The following FAM120C variants were observed in gnomAD, a reference collection of about 807,000 sequenced individuals.
The protein encoded by FAM120C is constitutive coactivator of PPAR-gamma-like protein 2.
Under a neutral mutation model 71.2 loss-of-function variants are expected in FAM120C, and 14 were observed. That is an observed-to-expected ratio of 0.20 (90% confidence interval 0.13 to 0.31). The LOEUF (loss-of-function observed/expected upper bound fraction) is 0.31, where lower values mean the gene tolerates loss of function less well. Ranked by LOEUF, FAM120C falls within the 10% of genes least tolerant of loss-of-function variation. The pLI is 1.00. For missense variants in FAM120C, 500 were observed against 879.0 expected (o/e 0.57, Z 5.45); for synonymous variants, 354 against 353.2 (o/e 1.00, Z -0.03).
At chrX:54,162,770 C>A (rs2067241268) in intron 1 of FAM120C, among the ~76,000 whole-genome samples, 1 of 111,713 alleles carries the variant, frequency 9.0e-6, no homozygotes, top group African/African-American at 3.3e-5. Flanking sequence ...CTGTTCCAAA[C>A]CCCCCTCACA....
intron 13 of FAM120C, 102 bp from the exon 14 acceptor site, chrX:54,081,562 A>C: frequency 2.2e-6 from 2 of 896,875 alleles, no homozygotes; most frequent in Non-Finnish European, 3.1e-6. Context: ...ACTTGAAGTC[A>C]GGAGTTCCAG....
At chrX:54,166,142 T>C (rs1426873171) in intron 1 of FAM120C, among the ~76,000 whole-genome samples, 2 of 111,551 alleles carry the variant, frequency 1.8e-5, no homozygotes, top group Admixed American at 1.9e-4. Flanking sequence ...AAACAGATTT[T>C]AAGCATATAA....
intron 4 of FAM120C, among the ~76,000 whole-genome samples, chrX:54,150,346 T>C (rs2067178285): frequency 8.9e-6 from 1 of 112,200 alleles, no homozygotes; most frequent in Non-Finnish European, 1.9e-5. Context: ...ATACTGAAAG[T>C]GAAAAACAGA....
chrX:54,169,088 C>G (rs1386096285), intron 1 of FAM120C, among the ~76,000 whole-genome samples: 1 of 110,999 alleles, frequency 9.0e-6, no homozygotes, highest in Non-Finnish European at 1.9e-5. Context: ...TCGCCTGAGC[C>G]GAGGATTCCA....
intron 13 of FAM120C, among the ~76,000 whole-genome samples, chrX:54,081,673 C>A (rs782322269): frequency 9.4e-6 from 1 of 106,029 alleles, no homozygotes; most frequent in East Asian, 3.0e-4. Context: ...ACTCGGGAGG[C>A]GGAGGCACGA....
chrX:54,131,785 G>A lies in FAM120C; in HGVS notation c.2062+907C>T, dbSNP rs184878526. Among the ~76,000 whole-genome samples the A allele has an allele frequency of 7.7e-3, 788 of 101,914 alleles. 10 individuals are homozygous for A. The highest frequency in any genetic ancestry group is 0.049 in the Middle Eastern group (9 of 182). 88.5% of individuals were successfully genotyped at this position (101,914 alleles called of 115,157 possible). On this transcript the variant is annotated intron_variant, in intron 9 of 15. Coordinates refer to ENST00000375180, the MANE Select transcript of FAM120C (RefSeq NM_017848.6). Reference sequence around the variant, plus strand: ...CTTTCTTTTTTTTTTTTTTTGAGACGGAGTCTGGCTCTGTCGCCCAGGCTG... The same window carrying A: ...CTTTCTTTTTTTTTTTTTTTGAGACAGAGTCTGGCTCTGTCGCCCAGGCTG...
rs984544164 is a variant in FAM120C, at chrX:54,076,482, C to T, written c.3037-3195G>A. On this transcript the variant is annotated intron_variant, in intron 15 of 15. Transcript: ENST00000375180. ...ATCTCATACTCTTCTTTTTCTGTCCCGACTGAAACAGAAAAAGAAGAGTCA... is the reference window on the plus strand; with the variant it reads ...ATCTCATACTCTTCTTTTTCTGTCCTGACTGAAACAGAAAAAGAAGAGTCA... Among the ~76,000 whole-genome samples the T allele has an allele frequency of 3.6e-5, 4 of 110,899 alleles. 1 individual carries two copies. Among genetic ancestry groups the T allele is most frequent in the Middle Eastern group, 9.3e-3 (2 of 216 alleles).
In FAM120C at chrX:54,103,156, T is replaced by C. The variant is rs144868063; in HGVS notation, c.2313-11730A>G. Reference sequence around the variant, plus strand: ...AATATTTTATATTCTTTTTTTCTAGTTAGAAATCAACAAGAAGGATTTTAT... The same window carrying C: ...AATATTTTATATTCTTTTTTTCTAGCTAGAAATCAACAAGAAGGATTTTAT... On this transcript the variant is annotated intron_variant, in intron 10 of 15. Coordinates refer to ENST00000375180, the MANE Select transcript of FAM120C (RefSeq NM_017848.6). Among the ~76,000 whole-genome samples the C allele has an allele frequency of 8.0e-3, 894 of 112,211 alleles. 7 individuals carry two copies. The highest frequency in any genetic ancestry group is 0.011 in the Non-Finnish European group (609 of 53,249).
intron 10 of FAM120C, among the ~76,000 whole-genome samples, chrX:54,100,043 G>A (rs1347971357): frequency 1.1e-4 from 12 of 112,091 alleles, no homozygotes; most frequent in African/African-American, 3.9e-4. Context: ...GTGAGCCTGT[G>A]AAATCTAAAC....
intron 4 of FAM120C, among the ~76,000 whole-genome samples, chrX:54,147,983 C>T (rs1467277196): frequency 9.0e-6 from 1 of 111,469 alleles, no homozygotes; most frequent in Non-Finnish European, 1.9e-5. Flanking sequence ...AGGTGTGAGC[C>T]ACCACGTCCG....
At chrX:54,143,484 A>G (rs1358918916) in intron 4 of FAM120C, among the ~76,000 whole-genome samples, 2 of 112,901 alleles carry the variant, frequency 1.8e-5, no homozygotes, top group East Asian at 5.6e-4. Flanking sequence ...TAAAGGGGAT[A>G]TCACCACTGA....
intron 10 of FAM120C, among the ~76,000 whole-genome samples, chrX:54,105,143 G>A (rs141974568): frequency 0.014 from 1,560 of 111,452 alleles, 31 homozygotes; most frequent in African/African-American, 0.048. Flanking sequence ...GATGAACATC[G>A]ATGCGAAAAT....
chrX:54,127,627 C>T (rs1311141289), intron 9 of FAM120C, among the ~76,000 whole-genome samples: 6 of 108,528 alleles, frequency 5.5e-5, no homozygotes, highest in Non-Finnish European at 9.6e-5. Context: ...ATTCTGTTAC[C>T]CAGGCTGGAG....
intron 1 of FAM120C, 116 bp from the exon 2 acceptor site, chrX:54,159,732 A>G: frequency 1.5e-6 from 1 of 679,872 alleles, no homozygotes. Context: ...TGTACGTGAG[A>G]GAACAGAACA....
At chrX:54,088,974 G>A (rs1324508607) in intron 11 of FAM120C, among the ~76,000 whole-genome samples, 1 of 110,847 alleles carries the variant, frequency 9.0e-6, no homozygotes, top group Non-Finnish European at 1.9e-5. Context: ...GCTTGAACCC[G>A]GGAGGTGGAG....
rs1028878245 is a variant in FAM120C at position 54,151,109 on chromosome X, G to A, written c.1158+136C>T. On this transcript the variant is annotated intron_variant, in intron 4 of 15. Transcript: ENST00000375180. ...GTAATGTTTTTTAAAGGAAATTTTG[G>A]AGCTCTCATTTGTAAGCATGGAGAA... is the stretch of plus-strand genomic sequence containing the variant. The A allele has an allele frequency of 5.7e-6, 4 of 702,814 alleles. No individual in the cohort carries two copies. In the East Asian group the frequency reaches 1.3e-4, roughly 24 times the overall value. The allele number at this position is 702,814 out of a possible 1,213,427, so 57.9% of individuals were successfully genotyped here.
chrX:54,096,265 G>A (rs1731299265), intron 10 of FAM120C, among the ~76,000 whole-genome samples: 1 of 109,971 alleles, frequency 9.1e-6, no homozygotes, highest in Admixed American at 9.8e-5. Flanking sequence ...ACAAAAATTA[G>A]CCAGGTGTGG....
intron 1 of FAM120C, among the ~76,000 whole-genome samples, chrX:54,164,722 G>A (rs1557134900): frequency 8.9e-6 from 1 of 112,179 alleles, no homozygotes. Flanking sequence ...GAACATGGGT[G>A]TGCAAATATC....
At chrX:54,145,237 A>G (rs1323222376) in intron 4 of FAM120C, among the ~76,000 whole-genome samples, 2 of 111,975 alleles carry the variant, frequency 1.8e-5, no homozygotes, top group African/African-American at 6.5e-5. Context: ...AGGCAATACC[A>G]TTCAGGACAT....
Sources: allele counts gnomAD v4.1 joint callset (sites outside exome capture counted in the v4.1 genomes callset), GRCh38; gene constraint gnomAD v4.1.1; transcripts MANE v1.5; gene names NCBI Gene and HGNC (gene_info 2026-07-23, HGNC 2026-07-21).